Variants in TGFB2 observed in about 807,000 individuals in gnomAD.
The protein encoded by TGFB2 is transforming growth factor beta 2, also known as transforming growth factor beta-2 proprotein.
In TGFB2, 13 loss-of-function variants were observed where a neutral mutation model predicts 42.7. The observed-to-expected ratio is 0.30, with a 90% CI of 0.20 to 0.48. The LOEUF (loss-of-function observed/expected upper bound fraction) is 0.48, where lower values mean the gene tolerates loss of function less well. TGFB2 is among the 20% of genes least tolerant of loss of function. The pLI is 0.99. For missense variants in TGFB2, 390 were observed against 517.5 expected, an observed-to-expected ratio of 0.75 and a Z score of 2.39; for synonymous variants, 193 against 193.6, an observed-to-expected ratio of 1.00 and a Z score of 0.03.
intron 1 of TGFB2, among the ~76,000 whole-genome samples, chr1:218,377,813 C>CT (rs1472076741): frequency 6.6e-6 from 1 of 152,090 alleles, no homozygotes; most frequent in Non-Finnish European, 1.5e-5. Flanking sequence ...CCCAGAAGAC[C>CT]TTACTGAGAA....
rs545701100 is a variant in TGFB2 at position 218,442,825 on chromosome 1, T to G, written c.*1463T>G. The G allele has an allele frequency of 5.9e-5, 9 of 152,244 alleles. 1 individual carries two copies. The South Asian group carries it at 1.9e-3, about 32-fold the overall frequency. The allele number at this position is 152,244 out of a possible 1,614,324, so 9.4% of individuals were successfully genotyped here. ...GAAAATTGAAGTAAAATGTTTTCAT[T>G]TTAGCAAGGATTTAGGGTTCTAACT... is the stretch of plus-strand genomic sequence containing the variant. On this transcript the variant is annotated 3_prime_UTR_variant, in exon 7 of 7. Coordinates refer to ENST00000366930, the MANE Select transcript of TGFB2 (RefSeq NM_003238.6).
chr1:218,413,685 C>G lies in TGFB2; in HGVS notation c.510+8353C>G, dbSNP rs77525693. On this transcript the variant is annotated intron_variant, in intron 2 of 6. Coordinates refer to ENST00000366930, the MANE Select transcript of TGFB2 (RefSeq NM_003238.6). The stretch of plus-strand genomic sequence containing the variant: ...TGTTCATACGTATGATATCAGGACA[C>G]AATCCCGTTGTAAGTCGAGGAGCAT... Among the ~76,000 whole-genome samples, 824 of 152,338 alleles carry G rather than the reference C, an allele frequency of 5.4e-3. 9 individuals are homozygous for G. Among genetic ancestry groups the G allele is most frequent in the Admixed American group, 7.2e-3 (110 of 15,304 alleles).
intron 1 of TGFB2, among the ~76,000 whole-genome samples, chr1:218,359,727 A>T (rs1657151066): frequency 6.6e-6 from 1 of 152,168 alleles, no homozygotes. Flanking sequence ...GATTGTACCC[A>T]CTTACAGAGT....
chr1:218,374,547 T>C (rs1167857683), intron 1 of TGFB2, among the ~76,000 whole-genome samples: 1 of 152,204 alleles, frequency 6.6e-6, no homozygotes, highest in Non-Finnish European at 1.5e-5. Flanking sequence ...ACACTAAACA[T>C]AGCAATATTA....
At chr1:218,403,320 G>A (rs528636268) in intron 1 of TGFB2, among the ~76,000 whole-genome samples, 2 of 152,276 alleles carry the variant, frequency 1.3e-5, no homozygotes, top group Admixed American at 6.5e-5. Flanking sequence ...GAAATTCCCC[G>A]CTTCTCCGTG....
intron 1 of TGFB2, among the ~76,000 whole-genome samples, chr1:218,394,678 A>G (rs769208870): frequency 2.3e-4 from 35 of 152,134 alleles, no homozygotes; most frequent in Non-Finnish European, 3.5e-4. Context: ...GCTGTGTTAC[A>G]TGTAATAGGT....
chr1:218,404,261 C>A (rs1056388569), intron 1 of TGFB2, among the ~76,000 whole-genome samples: 2 of 152,052 alleles, frequency 1.3e-5, no homozygotes, highest in African/African-American at 4.8e-5. Context: ...TACAGGTGCG[C>A]GCCACCACGC....
intron 2 of TGFB2, among the ~76,000 whole-genome samples, chr1:218,429,757 C>T (rs1284709855): frequency 6.6e-6 from 1 of 152,182 alleles, no homozygotes; most frequent in Non-Finnish European, 1.5e-5. Context: ...GGAGAAGAAA[C>T]AGCTCTCTTT....
At chr1:218,377,955 AGTGT>A (rs141734499) in intron 1 of TGFB2, among the ~76,000 whole-genome samples, 1,725 of 148,500 alleles carry the variant, frequency 0.012, 36 homozygotes, top group African/African-American at 0.043. Context: ...CATATATTAT[AGTGT>A]GTTTGTTTGT....
intron 2 of TGFB2, among the ~76,000 whole-genome samples, chr1:218,421,344 T>C (rs2102612579): frequency 6.6e-6 from 1 of 151,780 alleles, no homozygotes; most frequent in African/African-American, 2.4e-5. Context: ...GTGGTGGGTT[T>C]CTGGATGTGT....
chr1:218,409,967 A>G (rs542458750), intron 2 of TGFB2, among the ~76,000 whole-genome samples: 9 of 152,194 alleles, frequency 5.9e-5, no homozygotes, highest in Non-Finnish European at 1.2e-4. Context: ...ATGTGAGCAT[A>G]GGCACTCCAC....
rs146829350 is a variant in TGFB2 at position 218,365,664 on chromosome 1, A to ATTT, written c.346+18630_346+18632dup. On this transcript the variant is annotated intron_variant, in intron 1 of 6. Coordinates refer to ENST00000366930, the MANE Select transcript of TGFB2 (RefSeq NM_003238.6). ...AGGCTGCTGAGCAGTGGGGCTCTGC[A>ATTT]TTTTTTTTTTTTTTTGTCTCTGTTC... 4.0e-3 allele frequency among the ~76,000 whole-genome samples: 566 copies of ATTT among 141,802 alleles called. 3 individuals are homozygous for ATTT. Among genetic ancestry groups the ATTT allele is most frequent in the African/African-American group, 0.013 (516 of 38,966 alleles). The allele number at this position is 141,802 out of a possible 152,430, so 93.0% of individuals were successfully genotyped here.
intron 1 of TGFB2, among the ~76,000 whole-genome samples, chr1:218,354,358 T>C (rs1656964645): frequency 6.6e-6 from 1 of 152,200 alleles, no homozygotes; most frequent in African/African-American, 2.4e-5. Context: ...ACAGGGATTC[T>C]CATAACCATA....
intron 2 of TGFB2, among the ~76,000 whole-genome samples, chr1:218,410,710 C>T (rs138074001): frequency 7.7e-4 from 117 of 152,236 alleles, no homozygotes; most frequent in African/African-American, 2.8e-3. Flanking sequence ...GCCTTTATTG[C>T]GATATGTTCA....
At chr1:218,426,215 T>C (rs1456550379) in intron 2 of TGFB2, among the ~76,000 whole-genome samples, 1 of 152,352 alleles carries the variant, frequency 6.6e-6, no homozygotes, top group East Asian at 1.9e-4. Flanking sequence ...AAAGTAACAT[T>C]GAATTCCCAA....
chr1:218,375,971 G>A (rs1657727716), intron 1 of TGFB2, among the ~76,000 whole-genome samples: 1 of 152,212 alleles, frequency 6.6e-6, no homozygotes, highest in African/African-American at 2.4e-5. Context: ...TAAGTTGAAT[G>A]TATAGAATCA....
At chr1:218,360,088 G>A (rs953528659) in intron 1 of TGFB2, among the ~76,000 whole-genome samples, 1 of 152,134 alleles carries the variant, frequency 6.6e-6, no homozygotes, top group African/African-American at 2.4e-5. Flanking sequence ...AATTACTGAT[G>A]TACCTTTATA....
chr1:218,363,801 A>G (rs1386172563), intron 1 of TGFB2, among the ~76,000 whole-genome samples: 2 of 152,070 alleles, frequency 1.3e-5, no homozygotes, highest in African/African-American at 2.4e-5. Flanking sequence ...ATTTGTATCT[A>G]TGTTCTTGTT....
chr1:218,438,822 T>C (rs903427908), intron 6 of TGFB2, among the ~76,000 whole-genome samples: 15 of 152,068 alleles, frequency 9.9e-5, no homozygotes, highest in African/African-American at 2.4e-4. Context: ...CTTAAAGAAA[T>C]TGGGGACCGG....
Sources: allele counts gnomAD v4.1 joint callset (sites outside exome capture counted in the v4.1 genomes callset), GRCh38; gene constraint gnomAD v4.1.1; transcripts MANE v1.5; gene names NCBI Gene and HGNC (gene_info 2026-07-23, HGNC 2026-07-21).